The following F8 variants were observed in gnomAD, a reference collection of about 807,000 sequenced individuals.
F8 encodes coagulation factor VIII.
Under a neutral mutation model 140.6 loss-of-function variants are expected in F8, and 12 were observed. That is an observed-to-expected ratio of 0.09 (90% CI 0.05 to 0.14). F8 has a LOEUF of 0.14. Among genes scored for constraint, F8 ranks in the 10% least tolerant of loss-of-function variants. The probability of loss-of-function intolerance (pLI) is 1.00; values close to 1 mark genes in which losing one functional copy is unlikely to be tolerated. For synonymous variants in F8, 585 were observed against 614.6 expected, an observed-to-expected ratio of 0.95 and a Z score of 0.71; for missense variants, 1,354 against 1,720.7, an observed-to-expected ratio of 0.79 and a Z score of 3.77.
At chrX:154,901,925 T>C in intron 19 of F8, 126 bp downstream of exon 19, 1 of 568,448 alleles carries the variant, frequency 1.8e-6, no homozygotes, top group Non-Finnish European at 3.2e-6. Context: ...GCAATATTCA[T>C]TTTAAATTTG....
chrX:154,913,570 C>T (rs782434063), intron 14 of F8, among the ~76,000 whole-genome samples: 1 of 112,751 alleles, frequency 8.9e-6, no homozygotes, highest in South Asian at 3.6e-4. Flanking sequence ...GGGGTACAGG[C>T]ATTGGGTAAA....
chrX:155,005,230 C>T (rs1187222344), intron 1 of F8, among the ~76,000 whole-genome samples: 2 of 111,665 alleles, frequency 1.8e-5, no homozygotes, highest in East Asian at 2.8e-4. Context: ...CAAGCGTAAC[C>T]GATCCTGATC....
At chrX:154,890,738 T>C (rs782475414) in intron 22 of F8, among the ~76,000 whole-genome samples, 1 of 112,399 alleles carries the variant, frequency 8.9e-6, no homozygotes, top group Admixed American at 9.4e-5. Context: ...ATATAACGAT[T>C]GGAAAATATA....
At chrX:154,881,503 A>G (rs1164657764) in intron 22 of F8, among the ~76,000 whole-genome samples, 3 of 110,812 alleles carry the variant, frequency 2.7e-5, no homozygotes, top group African/African-American at 1.0e-4. Context: ...ATGACCAAAT[A>G]GGATTTATCC....
intron 6 of F8, among the ~76,000 whole-genome samples, chrX:154,981,518 C>T (rs782375983): frequency 1.8e-5 from 2 of 109,548 alleles, no homozygotes; most frequent in Middle Eastern, 4.6e-3. Context: ...TTCTTATAAA[C>T]GCCAGATGGA....
At chrX:154,874,269 C>T (rs2072795812) in intron 22 of F8, among the ~76,000 whole-genome samples, 1 of 112,819 alleles carries the variant, frequency 8.9e-6, no homozygotes, top group African/African-American at 3.2e-5. Flanking sequence ...GATATTCCCT[C>T]ACATCTATTA....
chrX:154,908,540 C>T (rs1336454226), intron 14 of F8, among the ~76,000 whole-genome samples: 3 of 111,854 alleles, frequency 2.7e-5, no homozygotes, highest in Non-Finnish European at 5.6e-5. Flanking sequence ...TGGGAATAAC[C>T]GACATTTTCA....
chrX:154,857,510 C>T (rs998569388), intron 25 of F8, among the ~76,000 whole-genome samples: 4 of 111,552 alleles, frequency 3.6e-5, no homozygotes, highest in Admixed American at 9.5e-5. Context: ...CGGTTCTGCA[C>T]GATATGCAGG....
intron 6 of F8, among the ~76,000 whole-genome samples, chrX:154,982,258 T>C (rs1344688565): frequency 1.0e-4 from 11 of 105,838 alleles, no homozygotes; most frequent in African/African-American, 2.1e-4. Context: ...CCATCCTGGC[T>C]AACACAATGA....
intron 6 of F8, among the ~76,000 whole-genome samples, chrX:154,971,275 G>A (rs374212786): frequency 1.8e-5 from 2 of 111,429 alleles, no homozygotes; most frequent in Non-Finnish European, 1.9e-5. Flanking sequence ...TTTTGTATGC[G>A]TCCTGTTCCT....
intron 1 of F8, among the ~76,000 whole-genome samples, chrX:155,001,773 G>A (rs781941429): frequency 2.7e-5 from 3 of 110,671 alleles, no homozygotes; most frequent in Non-Finnish European, 5.7e-5. Flanking sequence ...TTAGCCAGGC[G>A]TGGTGGTGTG....
At chrX:154,993,548 G>A (rs1229347098) in intron 3 of F8, among the ~76,000 whole-genome samples, 3 of 111,646 alleles carry the variant, frequency 2.7e-5, no homozygotes, top group Non-Finnish European at 5.6e-5. Flanking sequence ...CACCACACCC[G>A]GCCTACTTTC....
intron 3 of F8, 26 bp from the exon 4 acceptor site, chrX:154,993,174 C>T: frequency 2.6e-6 from 3 of 1,144,108 alleles, no homozygotes; most frequent in South Asian, 3.6e-5. Flanking sequence ...ATAAAATTGT[C>T]CTTTCTATAT....
At chrX:155,009,138 G>A (rs1386097572) in intron 1 of F8, among the ~76,000 whole-genome samples, 5 of 106,260 alleles carry the variant, frequency 4.7e-5, no homozygotes, top group Admixed American at 9.9e-5. Flanking sequence ...GCCGGACTGC[G>A]GACTGCAGTG....
chrX:154,931,065 G>A lies in F8; in HGVS notation c.2725C>T (p.Pro909Ser), dbSNP rs782091827. The A allele has an allele frequency of 5.8e-6, 7 of 1,197,948 alleles. No homozygotes were observed. In the East Asian group the frequency reaches 1.8e-4, roughly 30 times the overall value. Residue 909 changes from proline to serine, a missense_variant, in exon 14 of 26, where the codon CCA becomes TCA. By Grantham distance (74) the Pro-to-Ser change is moderately conservative. This residue lies in a region of F8 where 658 missense variants were observed against 666.5 expected (regional missense o/e 0.99). Coordinates refer to ENST00000360256, the MANE Select transcript of F8 (RefSeq NM_000132.4). ...GTACCTGCTGCCAAATTGTCTGATG[G>A]AATTGTTGAAATCAGATTATTTGAT... ...STSNNLISTI[P>S]SDNLAAGTDN...
chrX:154,853,623 C>T (rs1375361741), intron 25 of F8, among the ~76,000 whole-genome samples: 1 of 111,706 alleles, frequency 9.0e-6, no homozygotes, highest in East Asian at 2.8e-4. Context: ...TATTTATCTG[C>T]AACTTCTCTA....
intron 12 of F8, among the ~76,000 whole-genome samples, chrX:154,952,778 G>A (rs1357195671): frequency 3.6e-5 from 4 of 111,088 alleles, no homozygotes; most frequent in African/African-American, 9.8e-5. Flanking sequence ...TCCTGACCTC[G>A]TGATCCGCCT....
intron 25 of F8, among the ~76,000 whole-genome samples, chrX:154,859,696 G>A: frequency 9.0e-6 from 1 of 111,343 alleles, no homozygotes; most frequent in African/African-American, 3.3e-5. Context: ...AATATCCAAT[G>A]TCTAGACTTC....
chrX:154,858,688 T>C (rs1252673261), intron 25 of F8, among the ~76,000 whole-genome samples: 1 of 112,375 alleles, frequency 8.9e-6, no homozygotes, highest in Non-Finnish European at 1.9e-5. Context: ...GCTGAGATGC[T>C]TGCTGAAGGC....
Sources: allele counts gnomAD v4.1 joint callset (sites outside exome capture counted in the v4.1 genomes callset), GRCh38; gene constraint gnomAD v4.1.1; regional missense constraint gnomAD v4.1.1; transcripts MANE v1.5; gene names NCBI Gene and HGNC (gene_info 2026-07-23, HGNC 2026-07-21).